The following DOK6 variants were observed in gnomAD, a reference collection of about 807,000 sequenced individuals.
DOK6 encodes downstream of tyrosine kinase 6.
DOK6 carries 22 observed loss-of-function variants against 44.0 expected under a neutral mutation model. The observed-to-expected ratio is 0.50, with a 90% CI of 0.36 to 0.71. The LOEUF (loss-of-function observed/expected upper bound fraction) is 0.71. DOK6 is among the 30% of genes least tolerant of loss of function. The pLI, the probability that DOK6 is intolerant of heterozygous loss-of-function variation, is 0.00. For synonymous variants in DOK6, 166 were observed against 145.5 expected, an observed-to-expected ratio of 1.14 and a Z score of -1.01; for missense variants, 340 against 416.4, an observed-to-expected ratio of 0.82 and a Z score of 1.60.
At chr18:69,509,429 A>C (rs1338412293) in intron 1 of DOK6, among the ~76,000 whole-genome samples, 1 of 151,940 alleles carries the variant, frequency 6.6e-6, no homozygotes, top group Non-Finnish European at 1.5e-5. Context: ...CGAGGTCAGG[A>C]GATCGAGACC....
intron 1 of DOK6, among the ~76,000 whole-genome samples, chr18:69,520,240 A>G (rs1981648038): frequency 6.6e-6 from 1 of 151,394 alleles, no homozygotes; most frequent in South Asian, 2.1e-4. Context: ...TAAAGAAAAT[A>G]TATTTACTTA....
intron 1 of DOK6, among the ~76,000 whole-genome samples, chr18:69,425,292 TA>T (rs1468144182): frequency 1.3e-5 from 2 of 151,994 alleles, no homozygotes; most frequent in African/African-American, 2.4e-5. Flanking sequence ...CTTTTCCCAC[TA>T]TCACAGCTTG....
chr18:69,769,956 G>A (rs77683249), intron 7 of DOK6, among the ~76,000 whole-genome samples: 193 of 152,216 alleles, frequency 1.3e-3, no homozygotes, highest in East Asian at 8.7e-3. Context: ...GAGAGGAGGT[G>A]TAACATGTTT....
At chr18:69,512,332 CTTTT>C (rs548031851) in intron 1 of DOK6, among the ~76,000 whole-genome samples, 2 of 91,690 alleles carry the variant, frequency 2.2e-5, no homozygotes, top group African/African-American at 4.7e-5. Flanking sequence ...CTTTCTTCTT[CTTTT>C]TTTTTTTTTT....
intron 1 of DOK6, among the ~76,000 whole-genome samples, chr18:69,543,671 T>C (rs1982326980): frequency 6.6e-6 from 1 of 151,434 alleles, no homozygotes; most frequent in South Asian, 2.1e-4. Context: ...AGCTAGACTT[T>C]CAGGGCTTGA....
intron 3 of DOK6, among the ~76,000 whole-genome samples, chr18:69,636,426 A>G (rs1175326237): frequency 6.6e-6 from 1 of 152,182 alleles, no homozygotes; most frequent in Non-Finnish European, 1.5e-5. Flanking sequence ...ATGGCCTCAT[A>G]GAGGATTCCC....
intron 1 of DOK6, among the ~76,000 whole-genome samples, chr18:69,505,270 A>T (rs548997702): frequency 2.2e-4 from 34 of 152,190 alleles, no homozygotes; most frequent in African/African-American, 8.2e-4. Context: ...GCAAAAGTGG[A>T]GTTTTATCTT....
chr18:69,839,396 C>T (rs1982148506), intron 7 of DOK6, among the ~76,000 whole-genome samples: 1 of 150,816 alleles, frequency 6.6e-6, no homozygotes, highest in African/African-American at 2.4e-5. Flanking sequence ...CTCCCTAGCC[C>T]CTCCCCTAAC....
chr18:69,830,433 T>G (rs950437662), intron 7 of DOK6, among the ~76,000 whole-genome samples: 1 of 152,036 alleles, frequency 6.6e-6, no homozygotes, highest in Non-Finnish European at 1.5e-5. Flanking sequence ...AAAAGGAGAT[T>G]AGGACAACTG....
intron 1 of DOK6, among the ~76,000 whole-genome samples, chr18:69,529,235 A>G (rs527701433): frequency 6.6e-6 from 1 of 152,298 alleles, no homozygotes; most frequent in South Asian, 2.1e-4. Flanking sequence ...TCTTTATTTA[A>G]AAATTGAAAC....
chr18:69,742,416 A>ACATCTC, intron 6 of DOK6, among the ~76,000 whole-genome samples: 1 of 70,082 alleles, frequency 1.4e-5, no homozygotes, highest in South Asian at 5.3e-4. Flanking sequence ...CTCCATCTCA[A>ACATCTC]AAAAAAAAAA....
chr18:69,425,128 G>C (rs1394677889), intron 1 of DOK6, among the ~76,000 whole-genome samples: 1 of 152,208 alleles, frequency 6.6e-6, no homozygotes, highest in South Asian at 2.1e-4. Flanking sequence ...GTGCAAGGAA[G>C]GGTCGGCGTG....
At chr18:69,572,893 G>A (rs1983149146) in intron 2 of DOK6, among the ~76,000 whole-genome samples, 1 of 151,912 alleles carries the variant, frequency 6.6e-6, no homozygotes, top group Non-Finnish European at 1.5e-5. Flanking sequence ...ACTTGAAGGA[G>A]CCTATAAGAG....
intron 6 of DOK6, among the ~76,000 whole-genome samples, chr18:69,744,232 C>A (rs562894275): frequency 1.3e-5 from 2 of 151,646 alleles, no homozygotes; most frequent in South Asian, 2.1e-4. Context: ...ATTGCTTGAA[C>A]CCGGGAGGCG....
chr18:69,813,860 T>C (rs1008359400), intron 7 of DOK6, among the ~76,000 whole-genome samples: 3 of 152,144 alleles, frequency 2.0e-5, no homozygotes, highest in Non-Finnish European at 4.4e-5. Flanking sequence ...AGGTTCAGTT[T>C]TTCCGAGTGC....
At chr18:69,629,879 CTCCCAGGTT>C (rs1984650262) in intron 3 of DOK6, among the ~76,000 whole-genome samples, 1 of 152,170 alleles carries the variant, frequency 6.6e-6, no homozygotes, top group African/African-American at 2.4e-5. Context: ...AAATTTCTGC[CTCCCAGGTT>C]CAAGTGATTC....
intron 1 of DOK6, among the ~76,000 whole-genome samples, chr18:69,419,068 C>T (rs1978414205): frequency 6.6e-6 from 1 of 151,994 alleles, no homozygotes; most frequent in African/African-American, 2.4e-5. Context: ...ATTACTAGGA[C>T]CCAAGTGGTT....
At chr18:69,670,492 T>G (rs986563477) in intron 3 of DOK6, among the ~76,000 whole-genome samples, 1 of 146,984 alleles carries the variant, frequency 6.8e-6, no homozygotes, top group Admixed American at 7.1e-5. Context: ...TTGAGAAACC[T>G]AAAAAACTTG....
intron 1 of DOK6, among the ~76,000 whole-genome samples, chr18:69,511,511 G>A (rs923205483): frequency 2.0e-5 from 3 of 152,130 alleles, no homozygotes; most frequent in Non-Finnish European, 4.4e-5. Flanking sequence ...TTCATATGCA[G>A]ATATTAAAGG....
Sources: gnomAD v4.1 joint callset for allele counts (sites outside exome capture counted in the v4.1 genomes callset) on GRCh38, gnomAD v4.1.1 for gene constraint, MANE v1.5 for transcripts, NCBI Gene and HGNC (gene_info 2026-07-23, HGNC 2026-07-21) for gene names.